Variants in APBB1IP observed in about 807,000 individuals in gnomAD.
APBB1IP encodes the protein amyloid beta A4 precursor protein-binding family B member 1-interacting protein.
In APBB1IP, 27 loss-of-function variants were observed where a neutral mutation model predicts 64.9. The ratio of observed to expected loss-of-function variants is 0.42; its 90% confidence interval spans 0.31 to 0.57. The LOEUF (loss-of-function observed/expected upper bound fraction) is 0.57, where lower values mean the gene tolerates loss of function less well. Among genes scored for constraint, APBB1IP ranks in the 20% least tolerant of loss-of-function variants. APBB1IP has a pLI of 0.20. For synonymous variants in APBB1IP, 392 were observed against 331.0 expected (o/e 1.18, Z -2.00); for missense variants, 812 against 845.5 (o/e 0.96, Z 0.49).
intron 3 of APBB1IP, among the ~76,000 whole-genome samples, chr10:26,493,557 G>A (rs1287213561): frequency 6.6e-6 from 1 of 152,144 alleles, no homozygotes; most frequent in Non-Finnish European, 1.5e-5. Flanking sequence ...TCCATTCGGG[G>A]TCCCTGACTT....
chr10:26,458,243 C>T (rs1835550009), intron 2 of APBB1IP, among the ~76,000 whole-genome samples: 1 of 152,122 alleles, frequency 6.6e-6, no homozygotes, highest in South Asian at 2.1e-4. Flanking sequence ...TAAAAATTAG[C>T]TGAGCGAGGT....
At chr10:26,542,950 G>A (rs1375501879) in intron 11 of APBB1IP, among the ~76,000 whole-genome samples, 1 of 148,202 alleles carries the variant, frequency 6.7e-6, no homozygotes, top group Non-Finnish European at 1.5e-5. Context: ...GGGGCATGGA[G>A]CAGGGACTAC....
intron 10 of APBB1IP, among the ~76,000 whole-genome samples, chr10:26,539,256 T>TA (rs1213676934): frequency 6.6e-6 from 1 of 151,406 alleles, no homozygotes; most frequent in Non-Finnish European, 1.5e-5. Flanking sequence ...ACAAAAGGAA[T>TA]AAAAAAATTA....
At chr10:26,480,050 A>G (rs558514180) in intron 2 of APBB1IP, among the ~76,000 whole-genome samples, 35 of 152,272 alleles carry the variant, frequency 2.3e-4, no homozygotes, top group African/African-American at 8.2e-4. Flanking sequence ...CCACCCTCCC[A>G]AATCCTGAGC....
intron 11 of APBB1IP, among the ~76,000 whole-genome samples, chr10:26,549,776 T>G (rs1564375949): frequency 6.6e-6 from 1 of 152,042 alleles, no homozygotes; most frequent in Non-Finnish European, 1.5e-5. Context: ...TTTATTAATA[T>G]TTGTGTTTTA....
At chr10:26,496,807 T>G (rs61210418) in intron 4 of APBB1IP, among the ~76,000 whole-genome samples, 1 of 150,402 alleles carries the variant, frequency 6.6e-6, no homozygotes, top group Non-Finnish European at 1.5e-5. Flanking sequence ...AAATATTTTT[T>G]AATTTATATA....
rs377052163 is a variant in APBB1IP, at chr10:26,520,895, C to A, written c.813+7235C>A. 9.2e-5 allele frequency among the ~76,000 whole-genome samples: 14 copies of A among 152,156 alleles called. No homozygotes were observed. In the East Asian group the frequency reaches 1.5e-3, roughly 17 times the overall value. On this transcript the variant is annotated intron_variant, in intron 8 of 14. Transcript: ENST00000376236. ...TTGATCTCAACTGAAATTCAGCAAT[C>A]ATCTACAGTAAAGTTCTGTATAATA...
chr10:26,547,103 G>A (rs984369206), intron 11 of APBB1IP, among the ~76,000 whole-genome samples: 3 of 152,176 alleles, frequency 2.0e-5, no homozygotes, highest in Admixed American at 6.5e-5. Flanking sequence ...TTGGGATGAT[G>A]CAAAATCTCA....
At position 26,438,462 on chromosome 10, in the gene APBB1IP, G is replaced by GA. The variant is rs139652206; in HGVS notation, c.-203+7_-203+8insA. The GA allele has an allele frequency of 0.6, 91,565 of 151,372 alleles. 28,293 individuals carry two copies. Among genetic ancestry groups the GA allele is most frequent in the East Asian group, 0.93 (4,784 of 5,144 alleles). 9.4% of individuals were successfully genotyped at this position (151,372 alleles called of 1,614,324 possible). ...AAGGGCGCGCGCGGCACAGGTAGGG[G>GA]GAGGCGCAACGTTTCCCAGAATTAA... On this transcript the variant is annotated splice_region_variant and intron_variant, in intron 1 of 14. Coordinates refer to ENST00000376236, the MANE Select transcript of APBB1IP (RefSeq NM_019043.4).
At position 26,567,281 on chromosome 10, in the gene APBB1IP, G is replaced by T; in HGVS notation, c.1794G>T (p.Leu598=). ...ACGCAGGGATCGCGGGCTCAGAGCT[G>T]CCCCCGCCGCCGCCGCCGCCGCCCG... The part of the protein sequence containing the change: ...PSYAGIAGSE[L]PPPPPPPPAP... The change falls in exon 15 of 15, where the codon CTG becomes CTT. Residue 598 remains leucine (L), a synonymous_variant. Coordinates refer to ENST00000376236, the MANE Select transcript of APBB1IP (RefSeq NM_019043.4). 1 of 1,118,276 alleles carries T rather than the reference G, an allele frequency of 8.9e-7. No homozygotes were observed. Among genetic ancestry groups the T allele is most frequent in the Non-Finnish European group, 1.1e-6 (1 of 910,432 alleles). 69.3% of individuals were successfully genotyped at this position (1,118,276 alleles called of 1,614,324 possible). A position where few individuals can be genotyped will look rare whatever the true frequency, so the allele number is the denominator to read the frequency against.
At chr10:26,457,392 C>T (rs573311525) in intron 2 of APBB1IP, among the ~76,000 whole-genome samples, 6 of 152,318 alleles carry the variant, frequency 3.9e-5, no homozygotes, top group African/African-American at 1.2e-4. Flanking sequence ...CTCCTGCCTC[C>T]GCCTTCCAAA....
intron 2 of APBB1IP, among the ~76,000 whole-genome samples, chr10:26,487,568 G>A (rs1006936947): frequency 1.3e-5 from 2 of 152,134 alleles, no homozygotes; most frequent in African/African-American, 4.8e-5. Context: ...GACTCTGGGG[G>A]AAAGGAATGA....
chr10:26,523,943 A>G (rs192653045), intron 8 of APBB1IP, among the ~76,000 whole-genome samples: 1 of 152,282 alleles, frequency 6.6e-6, no homozygotes, highest in East Asian at 1.9e-4. Flanking sequence ...TTATGAAATA[A>G]TAATTTATGT....
chr10:26,548,495 T>C (rs951665539), intron 11 of APBB1IP, among the ~76,000 whole-genome samples: 2 of 152,176 alleles, frequency 1.3e-5, no homozygotes, highest in African/African-American at 2.4e-5. Context: ...ACGGGATATC[T>C]TTCCATTTAT....
chr10:26,506,073 A>T (rs1836171926), intron 6 of APBB1IP, among the ~76,000 whole-genome samples: 1 of 152,092 alleles, frequency 6.6e-6, no homozygotes, highest in Non-Finnish European at 1.5e-5. Context: ...GGCACTTTGC[A>T]GGTCCTCTGC....
At chr10:26,472,450 G>A (rs140614530) in intron 2 of APBB1IP, among the ~76,000 whole-genome samples, 1 of 152,178 alleles carries the variant, frequency 6.6e-6, no homozygotes, top group South Asian at 2.1e-4. Context: ...AAGGAGTTCA[G>A]TTTGGCTTCT....
chr10:26,487,273 T>C (rs1194195908), intron 2 of APBB1IP, among the ~76,000 whole-genome samples: 1 of 151,592 alleles, frequency 6.6e-6, no homozygotes, highest in Non-Finnish European at 1.5e-5. Context: ...CACACGTACA[T>C]ATAGGCACAG....
At chr10:26,445,080 G>C (rs1024749917) in intron 2 of APBB1IP, among the ~76,000 whole-genome samples, 9 of 139,232 alleles carry the variant, frequency 6.5e-5, no homozygotes, top group Non-Finnish European at 1.2e-4. Flanking sequence ...CCTGGTGACA[G>C]AGTGAGATTC....
intron 2 of APBB1IP, among the ~76,000 whole-genome samples, chr10:26,467,628 C>T (rs954944303): frequency 1.3e-5 from 2 of 152,106 alleles, no homozygotes; most frequent in Non-Finnish European, 2.9e-5. Context: ...CCCAGGAGCT[C>T]AAGACTGCTG....
Sources: allele counts gnomAD v4.1 joint callset (sites outside exome capture counted in the v4.1 genomes callset), GRCh38; gene constraint gnomAD v4.1.1; transcripts MANE v1.5; gene names NCBI Gene and HGNC (gene_info 2026-07-23, HGNC 2026-07-21).